CABCOCO1: variants seen among roughly 807,000 people sequenced by gnomAD.
CABCOCO1 encodes the protein ciliary-associated calcium-binding coiled-coil protein 1.
Under a neutral mutation model 35.7 loss-of-function variants are expected in CABCOCO1, and 28 were observed. That is an observed-to-expected ratio of 0.78 (90% CI 0.58 to 1.07). The LOEUF (loss-of-function observed/expected upper bound fraction) is 1.07. Ranked by LOEUF, CABCOCO1 falls within the 50% of genes least tolerant of loss-of-function variation. The pLI is 0.00. For synonymous variants in CABCOCO1, 95 were observed against 100.1 expected (o/e 0.95, Z 0.30); for missense variants, 326 against 309.2 (o/e 1.05, Z -0.41).
In CABCOCO1 at chr10:61,756,358, A is replaced by C. The variant is rs553360365; in HGVS notation, c.553-3701A>C. Among the ~76,000 whole-genome samples, 27 of 152,204 alleles carry C rather than the reference A, an allele frequency of 1.8e-4. No individual in the cohort carries two copies. In the South Asian group the frequency reaches 4.4e-3, roughly 25 times the overall value. On this transcript the variant is annotated intron_variant, in intron 5 of 7. Coordinates refer to ENST00000648843, the MANE Select transcript of CABCOCO1 (RefSeq NM_001366906.2). ...GCAAGTTATGCAAAACTAATTTTCT[A>C]GCAACCACATCTGTAGATGTTATTT...
intron 2 of CABCOCO1, among the ~76,000 whole-genome samples, chr10:61,680,636 A>G (rs1839723671): frequency 1.4e-5 from 1 of 73,640 alleles, no homozygotes. Flanking sequence ...TACATGTTAT[A>G]CATATATAAT....
intron 5 of CABCOCO1, among the ~76,000 whole-genome samples, chr10:61,745,686 T>C (rs1361170237): frequency 1.3e-5 from 2 of 152,198 alleles, no homozygotes; most frequent in Non-Finnish European, 2.9e-5. Context: ...ATCTGAATCT[T>C]ACGCAAAACA....
intron 3 of CABCOCO1, among the ~76,000 whole-genome samples, chr10:61,685,759 G>A (rs1030516993): frequency 1.1e-4 from 17 of 152,120 alleles, no homozygotes; most frequent in Non-Finnish European, 1.2e-4. Context: ...ACAGGGTTTC[G>A]CCATGTTGCC....
chr10:61,680,459 AC>A, intron 2 of CABCOCO1, among the ~76,000 whole-genome samples: 1 of 26,800 alleles, frequency 3.7e-5, no homozygotes, highest in Non-Finnish European at 1.1e-4. Context: ...TTTATATATA[AC>A]ATATATAATA....
At chr10:61,666,992 T>C (rs931989907) in intron 1 of CABCOCO1, among the ~76,000 whole-genome samples, 3 of 142,286 alleles carry the variant, frequency 2.1e-5, no homozygotes, top group Non-Finnish European at 3.0e-5. Context: ...TATAATTATA[T>C]ATTATATATA....
intron 3 of CABCOCO1, among the ~76,000 whole-genome samples, chr10:61,682,690 G>A (rs1839831700): frequency 6.6e-6 from 1 of 152,082 alleles, no homozygotes. Flanking sequence ...ATATTGTCAT[G>A]TTTAATTCAC....
intron 5 of CABCOCO1, among the ~76,000 whole-genome samples, chr10:61,751,213 CTTTTT>C (rs57540074): frequency 1.9e-5 from 2 of 106,506 alleles, no homozygotes; most frequent in Non-Finnish European, 3.7e-5. Context: ...TTGCCTTGCT[CTTTTT>C]TTTTTTTTTT....
intron 5 of CABCOCO1, among the ~76,000 whole-genome samples, chr10:61,759,256 G>A (rs993997724): frequency 2.6e-5 from 4 of 151,902 alleles, no homozygotes; most frequent in African/African-American, 7.3e-5. Context: ...CAGATCAATT[G>A]GGATGGGAAT....
chr10:61,672,711 T>C lies in CABCOCO1; in HGVS notation c.140T>C (p.Met47Thr), dbSNP rs2131956407. 1 of 985,422 alleles carries C rather than the reference T, an allele frequency of 1.0e-6. No individual in the cohort carries two copies. The highest frequency in any genetic ancestry group is 1.2e-6 in the Non-Finnish European group (1 of 829,904). The allele number at this position is 985,422 out of a possible 1,614,324, so 61.0% of individuals were successfully genotyped here. The change falls in exon 2 of 8, where the codon ATG becomes ACG. Residue 47 changes from methionine to threonine, a missense_variant. Met to Thr is a moderately conservative substitution (Grantham distance 81). Transcript: ENST00000648843. Reference sequence around the variant, plus strand: ...GTTGCCCAAATCACTGATTTGTTAATGGAGGACATCGATGGAGTTCAAGAG... The same window carrying C: ...GTTGCCCAAATCACTGATTTGTTAACGGAGGACATCGATGGAGTTCAAGAG... ...LSVAQITDLL[M>T]EDIDGVQEKL... is the part of the protein sequence containing the mutation.
At chr10:61,712,647 T>G (rs1454234613) in intron 5 of CABCOCO1, among the ~76,000 whole-genome samples, 3 of 152,214 alleles carry the variant, frequency 2.0e-5, no homozygotes, top group East Asian at 3.8e-4. Context: ...GATCTAACAT[T>G]TAAGTCTTTA....
intron 5 of CABCOCO1, among the ~76,000 whole-genome samples, chr10:61,739,646 G>A: frequency 6.6e-6 from 1 of 152,072 alleles, no homozygotes; most frequent in East Asian, 1.9e-4. Flanking sequence ...TAATGGAAAG[G>A]AATGGACTTA....
chr10:61,683,812 T>C (rs1839872817), intron 3 of CABCOCO1, among the ~76,000 whole-genome samples: 1 of 152,210 alleles, frequency 6.6e-6, no homozygotes, highest in Non-Finnish European at 1.5e-5. Context: ...ATGAAATTAT[T>C]ACTTCCCTAA....
chr10:61,712,387 G>GT lies in CABCOCO1; in HGVS notation c.552+21767dup, dbSNP rs201168065. On this transcript the variant is annotated intron_variant, in intron 5 of 7. Transcript: ENST00000648843. ...TCTTGTAAATTTGTTTGAGTTCTTT[G>GT]TAAATTCTGGATATTAGCCCTTTGG... is the stretch of plus-strand genomic sequence containing the variant. 1.9e-3 allele frequency among the ~76,000 whole-genome samples: 294 copies of GT among 152,116 alleles called. 11 individuals carry two copies. The East Asian group carries it at 0.051, about 26-fold the overall frequency.
intron 5 of CABCOCO1, among the ~76,000 whole-genome samples, chr10:61,709,513 G>C (rs1417794751): frequency 6.6e-6 from 1 of 151,854 alleles, no homozygotes; most frequent in Non-Finnish European, 1.5e-5. Flanking sequence ...AAATTTCACA[G>C]TAAGTGCCTA....
intron 5 of CABCOCO1, among the ~76,000 whole-genome samples, chr10:61,693,353 G>A (rs1819284247): frequency 6.6e-6 from 1 of 152,202 alleles, no homozygotes; most frequent in East Asian, 1.9e-4. Flanking sequence ...GATTATTCAT[G>A]CTGATCTCAG....
chr10:61,734,658 C>T (rs1323745607), intron 5 of CABCOCO1, among the ~76,000 whole-genome samples: 2 of 151,990 alleles, frequency 1.3e-5, no homozygotes, highest in East Asian at 3.9e-4. Flanking sequence ...AAGGAGAAAA[C>T]ATTGGTTTTT....
intron 1 of CABCOCO1, among the ~76,000 whole-genome samples, chr10:61,667,852 C>A (rs1041157043): frequency 1.3e-5 from 2 of 151,852 alleles, no homozygotes; most frequent in African/African-American, 2.4e-5. Context: ...ATTTAAGTTA[C>A]ATATTTAGTT....
At chr10:61,749,757 G>A (rs11596552) in intron 5 of CABCOCO1, among the ~76,000 whole-genome samples, 6,185 of 152,246 alleles carry the variant, frequency 0.041, 169 homozygotes, top group East Asian at 0.091. Context: ...AGATAGATCC[G>A]GGTTCTATTT....
In CABCOCO1 at chr10:61,686,068, T is replaced by TA. The variant is rs1200959362; in HGVS notation, c.366dup (p.Trp123MetfsTer8). The TA allele has an allele frequency of 1.9e-6, 3 of 1,606,554 alleles. No homozygotes were observed. In the African/African-American group the frequency reaches 4.0e-5, roughly 22 times the overall value. ...CTACATATGTCCTTAGAGGAAAGCA[T>TA]AAAATGGCTTGGAGAAGTTATGGCT... On this transcript the variant is annotated frameshift_variant, in exon 4 of 8. Coordinates refer to ENST00000648843, the MANE Select transcript of CABCOCO1 (RefSeq NM_001366906.2). LOFTEE classifies it high-confidence loss of function.
Sources: gnomAD v4.1 joint callset for allele counts (sites outside exome capture counted in the v4.1 genomes callset) on GRCh38, gnomAD v4.1.1 for gene constraint, MANE v1.5 for transcripts, NCBI Gene and HGNC (gene_info 2026-07-23, HGNC 2026-07-21) for gene names.